MFAP1: variants seen among roughly 807,000 people sequenced by gnomAD.
MFAP1 encodes the protein microfibril associated protein 1.
MFAP1 carries 18 observed loss-of-function variants against 62.2 expected under a neutral mutation model. The observed-to-expected ratio is 0.29, with a 90% CI of 0.20 to 0.43. The LOEUF is 0.43. Ranked by LOEUF, MFAP1 falls within the 20% of genes least tolerant of loss-of-function variation. The pLI is 1.00. For missense variants in MFAP1, 355 were observed against 559.7 expected (o/e 0.63, Z 3.69); for synonymous variants, 175 against 180.4 (o/e 0.97, Z 0.24).
chr15:43,822,043 AACTG>A (rs1211918953), intron 1 of MFAP1, among the ~76,000 whole-genome samples: 1 of 152,142 alleles, frequency 6.6e-6, no homozygotes, highest in Non-Finnish European at 1.5e-5. Context: ...GAAAGTGGGT[AACTG>A]ACAGAAACAG....
chr15:43,813,239 T>C lies in MFAP1; in HGVS notation c.726+10A>G. 6.2e-7 allele frequency: 1 copy of C among 1,614,040 alleles called. No homozygotes were observed. Among genetic ancestry groups the C allele is most frequent in the Non-Finnish European group, 8.5e-7 (1 of 1,179,992 alleles). Reference sequence around the variant, plus strand: ...TCTTGTACTCATTCCTTGCAACCACTCCCCAGTACCTTGAGTGTGTACTTG... The same window carrying C: ...TCTTGTACTCATTCCTTGCAACCACCCCCCAGTACCTTGAGTGTGTACTTG... On this transcript the variant is annotated intron_variant, in intron 5 of 8. Transcript: ENST00000267812.
intron 2 of MFAP1, among the ~76,000 whole-genome samples, chr15:43,816,212 T>C (rs537708895): frequency 6.6e-6 from 1 of 151,654 alleles, no homozygotes; most frequent in Admixed American, 6.6e-5. Context: ...TTTTCCCCCC[T>C]GGGCACTGTA....
intron 4 of MFAP1, 130 bp downstream of exon 4, chr15:43,814,371 T>C (rs774848647): frequency 1.0e-6 from 1 of 989,704 alleles, no homozygotes; most frequent in Non-Finnish European, 1.5e-6. Flanking sequence ...CTGCCAAGGG[T>C]AGAGCACTAG....
chr15:43,806,355 TTTTC>T (rs1186933084), intron 7 of MFAP1, among the ~76,000 whole-genome samples: 1 of 152,168 alleles, frequency 6.6e-6, no homozygotes. Flanking sequence ...TCTCTTTAAC[TTTTC>T]TGTTAGTAGG....
In MFAP1 at chr15:43,814,629, C is replaced by T. The variant is rs751830856; in HGVS notation, c.489G>A (p.Glu163=). 4 of 1,614,194 alleles carry T rather than the reference C, an allele frequency of 2.5e-6. No individual in the cohort carries two copies. Among genetic ancestry groups the T allele is most frequent in the Non-Finnish European group, 3.4e-6 (4 of 1,180,038 alleles). ...CATCTTCCACTTCCATGACTTCCAT[C>T]TCTTCATTTTTTCTCTCCTGTGCTC... is the stretch of plus-strand genomic sequence containing the variant. ...RQRAQERKNE[E]MEVMEVEDEG... Residue 163 remains glutamate (E), a synonymous_variant, in exon 4 of 9, where the codon GAG becomes GAA. Coordinates refer to ENST00000267812, the MANE Select transcript of MFAP1 (RefSeq NM_005926.3).
rs148900074 is a variant in MFAP1, at chr15:43,805,471, T to TA, written c.1048-7dup. ...TATACTTCTTCATCCTCATCCTGTATAAAAAAAATCTTATCAATCTTGTGG... is the reference window on the plus strand; with the variant it reads ...TATACTTCTTCATCCTCATCCTGTATAAAAAAAAATCTTATCAATCTTGTGG... On this transcript the variant is annotated splice_region_variant and splice_polypyrimidine_tract_variant and intron_variant, in intron 7 of 8. Transcript: ENST00000267812. 30 of 1,595,918 alleles carry TA rather than the reference T, an allele frequency of 1.9e-5. No individual in the cohort carries two copies. Among genetic ancestry groups the TA allele is most frequent in the African/African-American group, 8.2e-5 (6 of 73,542 alleles).
chr15:43,817,546 CAAG>C, intron 1 of MFAP1, 98 bp from the exon 2 acceptor site: 2 of 1,190,890 alleles, frequency 1.7e-6, no homozygotes, highest in Non-Finnish European at 2.4e-6. Context: ...TCATAGTAGA[CAAG>C]AGTCTAAGCA....
Position 43,824,677 on chromosome 15 carries a change from G to T in MFAP1, c.-108C>A. 1 of 1,094,088 alleles carries T rather than the reference G, an allele frequency of 9.1e-7. No homozygotes were observed. Among genetic ancestry groups the T allele is most frequent in the East Asian group, 2.5e-5 (1 of 40,354 alleles). 67.8% of individuals were successfully genotyped at this position (1,094,088 alleles called of 1,614,324 possible). Reference sequence around the variant, plus strand: ...CCTTCCACCTGAGTCCGCGAACACAGCTGCGCGACTGATAGAGAAACTACT... The same window carrying T: ...CCTTCCACCTGAGTCCGCGAACACATCTGCGCGACTGATAGAGAAACTACT... On this transcript the variant is annotated 5_prime_UTR_variant, in exon 1 of 9. It adds an upstream start codon to the 5' untranslated region. Transcript: ENST00000267812.
chr15:43,821,543 T>C (rs1596059519), intron 1 of MFAP1, among the ~76,000 whole-genome samples: 1 of 151,978 alleles, frequency 6.6e-6, no homozygotes, highest in South Asian at 2.1e-4. Context: ...AAAACAAACT[T>C]ATATGAGAAC....
chr15:43,810,072 T>A, intron 6 of MFAP1, 158 bp from the exon 7 acceptor site: 1 of 817,478 alleles, frequency 1.2e-6, no homozygotes, highest in African/African-American at 1.7e-5. Flanking sequence ...AATAAACAAA[T>A]GGGTGAGTTA....
chr15:43,824,411 G>A (rs2141715041), intron 1 of MFAP1, 80 bp downstream of exon 1: 1 of 1,418,742 alleles, frequency 7.0e-7, no homozygotes, highest in Middle Eastern at 1.8e-4. Context: ...GGTTGGAGTG[G>A]TCTGTCCGGG....
At position 43,821,632 on chromosome 15, in the gene MFAP1, G is replaced by A. The variant is rs1184335912; in HGVS notation, c.79+2859C>T. Among the ~76,000 whole-genome samples the A allele has an allele frequency of 1.4e-4, 21 of 152,170 alleles. No individual in the cohort carries two copies. The East Asian group carries it at 3.9e-3, about 28-fold the overall frequency. On this transcript the variant is annotated intron_variant, in intron 1 of 8. Coordinates refer to ENST00000267812, the MANE Select transcript of MFAP1 (RefSeq NM_005926.3). ...GAAGGGACAATTGGCCAACCATATA[G>A]TAAAATTAGACCTCTAACTTCCACC...
At chr15:43,818,777 A>G (rs1489257822) in intron 1 of MFAP1, among the ~76,000 whole-genome samples, 1 of 152,128 alleles carries the variant, frequency 6.6e-6, no homozygotes, top group African/African-American at 2.4e-5. Flanking sequence ...GTCCCAAGCT[A>G]CATGGGAGGC....
chr15:43,812,562 A>C (rs1272199965), intron 6 of MFAP1, among the ~76,000 whole-genome samples: 1 of 152,214 alleles, frequency 6.6e-6, no homozygotes, highest in Admixed American at 6.5e-5. Flanking sequence ...TTTCCAGCCC[A>C]GTCAACCTTC....
intron 1 of MFAP1, among the ~76,000 whole-genome samples, chr15:43,823,688 T>C (rs541852322): frequency 6.6e-6 from 1 of 152,312 alleles, no homozygotes; most frequent in African/African-American, 2.4e-5. Flanking sequence ...CAGCACTTTT[T>C]TGAACAAGGG....
At chr15:43,812,874 GA>G in intron 6 of MFAP1, 112 bp downstream of exon 6, 1 of 1,242,310 alleles carries the variant, frequency 8.0e-7, no homozygotes, top group East Asian at 2.4e-5. Context: ...AAAGCAACAA[GA>G]ACTCTGAAGG....
intron 7 of MFAP1, among the ~76,000 whole-genome samples, chr15:43,806,015 TG>T (rs1442424070): frequency 6.7e-6 from 1 of 149,370 alleles, no homozygotes; most frequent in Non-Finnish European, 1.5e-5. Context: ...TGGAGTGCAG[TG>T]GGGTCACTAC....
chr15:43,814,402 G>C, intron 4 of MFAP1, 99 bp downstream of exon 4: 1 of 1,366,470 alleles, frequency 7.3e-7, no homozygotes, highest in South Asian at 1.4e-5. Flanking sequence ...TTCACTCAGC[G>C]TTTAGATTTC....
At chr15:43,823,478 G>C (rs951108231) in intron 1 of MFAP1, among the ~76,000 whole-genome samples, 1 of 151,876 alleles carries the variant, frequency 6.6e-6, no homozygotes, top group South Asian at 2.1e-4. Flanking sequence ...CCGGGTTCAA[G>C]CAATTCTCCT....
Sources: allele counts gnomAD v4.1 joint callset (sites outside exome capture counted in the v4.1 genomes callset), GRCh38; gene constraint gnomAD v4.1.1; transcripts MANE v1.5; gene names NCBI Gene and HGNC (gene_info 2026-07-23, HGNC 2026-07-21).